Variants in LRP1B observed in about 807,000 individuals in gnomAD.
The protein encoded by LRP1B is low-density lipoprotein receptor-related protein 1B.
In LRP1B, 217 loss-of-function variants were observed where a neutral mutation model predicts 556.6. That is an observed-to-expected ratio of 0.39 (90% CI 0.35 to 0.44). LRP1B has a LOEUF of 0.44. Ranked by LOEUF, LRP1B falls within the 20% of genes least tolerant of loss-of-function variation. The pLI, the probability that LRP1B is intolerant of heterozygous loss-of-function variation, is 1.00. For missense variants in LRP1B, 5,053 were observed against 5,620.8 expected (o/e 0.90, Z 3.23); for synonymous variants, 2,047 against 1,865.8 (o/e 1.10, Z -2.50).
intron 7 of LRP1B, among the ~76,000 whole-genome samples, chr2:141,104,176 A>T (rs1700545556): frequency 6.6e-6 from 1 of 152,018 alleles, no homozygotes; most frequent in Non-Finnish European, 1.5e-5. Context: ...TCCCACTTCT[A>T]TGTGAGAACA....
intron 83 of LRP1B, among the ~76,000 whole-genome samples, chr2:140,301,222 A>G (rs1683805160): frequency 6.6e-6 from 1 of 152,088 alleles, no homozygotes; most frequent in Non-Finnish European, 1.5e-5. Context: ...ATACTACAAC[A>G]GCAAACAAAC....
intron 2 of LRP1B, among the ~76,000 whole-genome samples, chr2:141,696,973 T>C (rs78196462): frequency 0.017 from 2,549 of 152,096 alleles, 33 homozygotes; most frequent in South Asian, 0.023. Flanking sequence ...TTGTGTATCA[T>C]AGAACTGTCC....
chr2:141,223,857 C>A (rs957517388), intron 6 of LRP1B, among the ~76,000 whole-genome samples: 1 of 152,128 alleles, frequency 6.6e-6, no homozygotes, highest in African/African-American at 2.4e-5. Context: ...TGGACTCCTT[C>A]CTTACACCTT....
chr2:141,538,337 T>A (rs1685133125), intron 2 of LRP1B, among the ~76,000 whole-genome samples: 1 of 152,142 alleles, frequency 6.6e-6, no homozygotes, highest in Non-Finnish European at 1.5e-5. Flanking sequence ...GTTCAAAATC[T>A]TCCCTCTCTC....
chr2:140,812,153 C>T (rs1690950389), intron 32 of LRP1B, among the ~76,000 whole-genome samples: 3 of 152,066 alleles, frequency 2.0e-5, no homozygotes, highest in Admixed American at 2.0e-4. Context: ...TCTGGAAATT[C>T]CCAACTAGGG....
intron 2 of LRP1B, among the ~76,000 whole-genome samples, chr2:141,755,401 G>A (rs1694278950): frequency 6.6e-6 from 1 of 151,864 alleles, no homozygotes; most frequent in Non-Finnish European, 1.5e-5. Context: ...ACATACCTAT[G>A]AGGAAAAAAA....
chr2:141,407,595 A>T (rs1181858522), intron 3 of LRP1B, among the ~76,000 whole-genome samples: 1 of 152,058 alleles, frequency 6.6e-6, no homozygotes, highest in Non-Finnish European at 1.5e-5. Flanking sequence ...TGGTTTAAAA[A>T]TTTGTGGCAC....
intron 17 of LRP1B, 22 bp from the exon 18 acceptor site, chr2:140,982,298 CA>C (rs1558780862): frequency 6.6e-7 from 1 of 1,510,934 alleles, no homozygotes; most frequent in Non-Finnish European, 9.2e-7. Context: ...AATTAATAAA[CA>C]AAAAATCAAT....
At chr2:142,068,613 C>T (rs1026372928) in intron 1 of LRP1B, among the ~76,000 whole-genome samples, 1 of 151,224 alleles carries the variant, frequency 6.6e-6, no homozygotes, top group Non-Finnish European at 1.5e-5. Context: ...AATTTAACTC[C>T]CTTCTTTGCC....
intron 3 of LRP1B, among the ~76,000 whole-genome samples, chr2:141,374,960 C>G (rs1689373279): frequency 6.6e-6 from 1 of 152,064 alleles, no homozygotes; most frequent in Non-Finnish European, 1.5e-5. Flanking sequence ...TTCCTGTGTC[C>G]TTGTGTTGAC....
chr2:141,116,802 A>C (rs1700910767), intron 7 of LRP1B, among the ~76,000 whole-genome samples: 1 of 152,022 alleles, frequency 6.6e-6, no homozygotes, highest in Admixed American at 6.6e-5. Context: ...CAAAGACTGG[A>C]AAGTATATTT....
At chr2:140,349,289 CTAT>C (rs1197991641) in intron 77 of LRP1B, among the ~76,000 whole-genome samples, 1 of 151,994 alleles carries the variant, frequency 6.6e-6, no homozygotes, top group Admixed American at 6.6e-5. Flanking sequence ...GAAGATGTGT[CTAT>C]GTTTATCAAT....
intron 1 of LRP1B, among the ~76,000 whole-genome samples, chr2:142,052,313 C>T (rs1477588130): frequency 6.6e-6 from 1 of 152,052 alleles, no homozygotes; most frequent in East Asian, 1.9e-4. Context: ...GAAAGAGCCT[C>T]CTGGGCCCTT....
At chr2:141,271,189 A>G (rs1401051609) in intron 3 of LRP1B, among the ~76,000 whole-genome samples, 4 of 151,938 alleles carry the variant, frequency 2.6e-5, no homozygotes, top group Non-Finnish European at 5.9e-5. Flanking sequence ...AAGTCATATT[A>G]TATAATCGGA....
intron 2 of LRP1B, among the ~76,000 whole-genome samples, chr2:141,758,168 T>C (rs1185684567): frequency 6.6e-6 from 1 of 152,196 alleles, no homozygotes; most frequent in African/African-American, 2.4e-5. Context: ...GCAAAATTTA[T>C]CTTTTCTCTT....
At chr2:140,669,096 TG>T (rs1685390379) in intron 41 of LRP1B, among the ~76,000 whole-genome samples, 1 of 152,162 alleles carries the variant, frequency 6.6e-6, no homozygotes, top group African/African-American at 2.4e-5. Context: ...AGAAGAGAAC[TG>T]GGTATCAGGG....
intron 68 of LRP1B, among the ~76,000 whole-genome samples, chr2:140,375,075 C>T (rs1453096034): frequency 6.6e-6 from 1 of 151,812 alleles, no homozygotes; most frequent in East Asian, 1.9e-4. Context: ...ACTAATTGCA[C>T]CCTAAGAATG....
intron 14 of LRP1B, 33 bp downstream of exon 14, chr2:141,013,523 A>G: frequency 6.6e-7 from 1 of 1,513,928 alleles, no homozygotes; most frequent in South Asian, 1.2e-5. Flanking sequence ...TTATATGTGA[A>G]TCTCAGAAGC....
chr2:141,909,111 C>T (rs143407476), intron 1 of LRP1B, among the ~76,000 whole-genome samples: 37 of 152,062 alleles, frequency 2.4e-4, no homozygotes, highest in Non-Finnish European at 4.3e-4. Context: ...TAGCTTAGTG[C>T]AGAGACCAAT....
Sources: gnomAD v4.1 joint callset for allele counts (sites outside exome capture counted in the v4.1 genomes callset) on GRCh38, gnomAD v4.1.1 for gene constraint, MANE v1.5 for transcripts, NCBI Gene and HGNC (gene_info 2026-07-23, HGNC 2026-07-21) for gene names.